GPATCH2L: variants seen among roughly 807,000 people sequenced by gnomAD.
The protein encoded by GPATCH2L is G-patch domain containing 2 like.
Under a neutral mutation model 57.4 loss-of-function variants are expected in GPATCH2L, and 31 were observed. The observed-to-expected ratio is 0.54, with a 90% CI of 0.41 to 0.73. The LOEUF is 0.73. GPATCH2L is among the 30% of genes least tolerant of loss of function. The pLI is 0.00. For synonymous variants in GPATCH2L, 199 were observed against 210.7 expected, an observed-to-expected ratio of 0.94 and a Z score of 0.48; for missense variants, 481 against 599.9, an observed-to-expected ratio of 0.80 and a Z score of 2.07.
Position 76,151,938 on chromosome 14 carries a change from G to C in GPATCH2L, c.-64G>C, listed in dbSNP as rs1180199510. 3 of 153,628 alleles carry C rather than the reference G, an allele frequency of 2.0e-5. No homozygotes were observed. In the Admixed American group the frequency reaches 2.0e-4, roughly 10 times the overall value. 9.5% of individuals were successfully genotyped at this position (153,628 alleles called of 1,614,324 possible). A position where few individuals can be genotyped will look rare whatever the true frequency, so the allele number is the denominator to read the frequency against. The stretch of plus-strand genomic sequence containing the variant: ...AATGAGGTCAGAGAGGGAAGCCCCG[G>C]CGGTGAGAGTCGGCCCAAAAAGCGG... On this transcript the variant is annotated 5_prime_UTR_variant, in exon 1 of 10. Coordinates refer to ENST00000261530, the MANE Select transcript of GPATCH2L (RefSeq NM_017926.4).
At chr14:76,191,530 T>C (rs2039962410) in intron 8 of GPATCH2L, among the ~76,000 whole-genome samples, 1 of 152,140 alleles carries the variant, frequency 6.6e-6, no homozygotes, top group Non-Finnish European at 1.5e-5. Context: ...ATTCTGAATG[T>C]GCCGTGCCAC....
chr14:76,223,552 C>T (rs1356192587), intron 1 of GPATCH2L, among the ~76,000 whole-genome samples: 1 of 152,070 alleles, frequency 6.6e-6, no homozygotes, highest in Non-Finnish European at 1.5e-5. Flanking sequence ...ACACCACATG[C>T]ACAAGCAACT....
intron 7 of GPATCH2L, 68 bp downstream of exon 7, chr14:76,178,110 TACTG>T: frequency 7.4e-7 from 1 of 1,354,422 alleles, no homozygotes; most frequent in Non-Finnish European, 1.0e-6. Context: ...ATCCAACACT[TACTG>T]GTAAAAACTG....
intron 1 of GPATCH2L, among the ~76,000 whole-genome samples, chr14:76,226,524 C>G (rs1019841204): frequency 6.6e-6 from 1 of 152,184 alleles, no homozygotes. Context: ...TGTGTTCTTG[C>G]TATATCCTGA....
At chr14:76,173,328 A>C (rs935902204) in intron 4 of GPATCH2L, among the ~76,000 whole-genome samples, 1 of 152,082 alleles carries the variant, frequency 6.6e-6, no homozygotes, top group Non-Finnish European at 1.5e-5. Context: ...TCTTTTATAG[A>C]TGGAGGATGC....
At chr14:76,181,138 T>C (rs189218690) in intron 8 of GPATCH2L, among the ~76,000 whole-genome samples, 1 of 152,330 alleles carries the variant, frequency 6.6e-6, no homozygotes, top group East Asian at 1.9e-4. Flanking sequence ...ACATTATTAA[T>C]GTTCCTTGCC....
intron 2 of GPATCH2L, among the ~76,000 whole-genome samples, chr14:76,161,814 T>C (rs754671084): frequency 2.0e-5 from 3 of 152,186 alleles, no homozygotes; most frequent in Non-Finnish European, 4.4e-5. Flanking sequence ...GGCGGGTGGA[T>C]CACCTAAGAT....
At position 76,202,435 on chromosome 14, in the gene GPATCH2L, A is replaced by C. The variant is rs1025685018; in HGVS notation, c.*584A>C. ...GCCTTGAGAACTTCCATTTTTTTGC[A>C]GATTGTCTGCAGAAACTCAGACAGC... On this transcript the variant is annotated 3_prime_UTR_variant, in exon 10 of 10. Coordinates refer to ENST00000261530, the MANE Select transcript of GPATCH2L (RefSeq NM_017926.4). 1 of 152,622 alleles carries C rather than the reference A, an allele frequency of 6.6e-6. No homozygotes were observed. Among genetic ancestry groups the C allele is most frequent in the African/African-American group, 2.4e-5 (1 of 41,426 alleles). The allele number at this position is 152,622 out of a possible 1,614,324, so 9.5% of individuals were successfully genotyped here.
chr14:76,177,880 C>A, intron 6 of GPATCH2L, 108 bp from the exon 7 acceptor site: 1 of 1,548,030 alleles, frequency 6.5e-7, no homozygotes, highest in South Asian at 1.1e-5. Flanking sequence ...GTTATTCTCT[C>A]CCTCTCTTTA....
intron 5 of GPATCH2L, 82 bp from the exon 6 acceptor site, chr14:76,176,541 C>T: frequency 2.1e-6 from 2 of 965,138 alleles, no homozygotes; most frequent in Non-Finnish European, 3.4e-6. Flanking sequence ...TTAGCTGGCA[C>T]AGTTATGGGA....
chr14:76,196,973 T>C (rs965585343), intron 9 of GPATCH2L, among the ~76,000 whole-genome samples: 1 of 152,176 alleles, frequency 6.6e-6, no homozygotes, highest in Non-Finnish European at 1.5e-5. Flanking sequence ...TACTTTTTTT[T>C]CAGTGCTTTC....
intron 2 of GPATCH2L, among the ~76,000 whole-genome samples, chr14:76,160,082 C>G (rs146354027): frequency 1.3e-5 from 2 of 151,602 alleles, no homozygotes; most frequent in Admixed American, 1.3e-4. Flanking sequence ...TGCAGTGAGC[C>G]GAGATCACAC....
chr14:76,159,859 G>A (rs1049457128), intron 2 of GPATCH2L, among the ~76,000 whole-genome samples: 3 of 152,188 alleles, frequency 2.0e-5, no homozygotes, highest in East Asian at 1.9e-4. Context: ...CAGGCCGGGC[G>A]TGGTGGCTCA....
intron 1 of GPATCH2L, among the ~76,000 whole-genome samples, chr14:76,153,350 T>A (rs1328158800): frequency 6.6e-6 from 1 of 152,240 alleles, no homozygotes; most frequent in Non-Finnish European, 1.5e-5. Flanking sequence ...TATTTCCCCT[T>A]AAGGGGGAAT....
downstream of GPATCH2L, among the ~76,000 whole-genome samples, chr14:76,216,179 A>G (rs967819985): frequency 3.4e-5 from 5 of 149,128 alleles, no homozygotes; most frequent in Non-Finnish European, 7.5e-5. Flanking sequence ...ACCAAGCAGA[A>G]ATAACAGCAA....
At chr14:76,227,333 CA>C (rs1460356681) in intron 1 of GPATCH2L, among the ~76,000 whole-genome samples, 1 of 152,182 alleles carries the variant, frequency 6.6e-6, no homozygotes, top group African/African-American at 2.4e-5. Context: ...CTCCTAACCT[CA>C]AAAGGCCTGA....
intron 5 of GPATCH2L, chr14:76,173,972 CT>C: frequency 3.0e-6 from 1 of 334,830 alleles, no homozygotes; most frequent in Non-Finnish European, 5.4e-6. Context: ...TTTATGACTC[CT>C]CTTGAATTCA....
At chr14:76,223,396 G>A (rs772718825) in intron 1 of GPATCH2L, among the ~76,000 whole-genome samples, 1 of 151,952 alleles carries the variant, frequency 6.6e-6, no homozygotes, top group African/African-American at 2.4e-5. Flanking sequence ...AAATAATGAA[G>A]TTGGATCCCT....
intron 8 of GPATCH2L, among the ~76,000 whole-genome samples, chr14:76,187,885 C>G (rs1282479908): frequency 6.6e-6 from 1 of 152,120 alleles, no homozygotes; most frequent in Non-Finnish European, 1.5e-5. Flanking sequence ...TTCCCAGCCT[C>G]TGGTAACCCT....
Sources: allele counts gnomAD v4.1 joint callset (sites outside exome capture counted in the v4.1 genomes callset), GRCh38; gene constraint gnomAD v4.1.1; transcripts MANE v1.5; gene names NCBI Gene and HGNC (gene_info 2026-07-23, HGNC 2026-07-21).